The following DENND5A variants were observed in gnomAD, a reference collection of about 807,000 sequenced individuals.
The protein encoded by DENND5A is DENN domain containing 5A, also known as DENN domain-containing protein 5A.
In DENND5A, 64 loss-of-function variants were observed where a neutral mutation model predicts 140.3. The ratio of observed to expected loss-of-function variants is 0.46; its 90% CI spans 0.37 to 0.56. DENND5A has a LOEUF of 0.56. Ranked by LOEUF, DENND5A falls within the 20% of genes least tolerant of loss-of-function variation. DENND5A has a pLI of 0.00. For synonymous variants in DENND5A, 605 were observed against 607.7 expected (o/e 1.00, Z 0.07); for missense variants, 1,292 against 1,593.8 (o/e 0.81, Z 3.22).
chr11:9,219,298 T>A (rs1850219480), intron 1 of DENND5A, among the ~76,000 whole-genome samples: 2 of 151,544 alleles, frequency 1.3e-5, no homozygotes, highest in East Asian at 1.9e-4. Flanking sequence ...AATGAGAAAA[T>A]TCTAGATGTT....
At chr11:9,249,613 A>G (rs1290372093) in intron 1 of DENND5A, among the ~76,000 whole-genome samples, 2 of 152,064 alleles carry the variant, frequency 1.3e-5, no homozygotes, top group African/African-American at 2.4e-5. Context: ...CAATGGCGCA[A>G]TCTCAGCTCA....
chr11:9,240,971 T>G lies in DENND5A; in HGVS notation c.109+23990A>C, dbSNP rs544764696. On this transcript the variant is annotated intron_variant, in intron 1 of 22. Coordinates refer to ENST00000328194, the MANE Select transcript of DENND5A (RefSeq NM_015213.4). ...TAAGCAGTCCAAAATTTGGAAGTTC[T>G]TTCATGTGAATAGTTGTCTTGACAG... Among the ~76,000 whole-genome samples the G allele has an allele frequency of 1.1e-4, 17 of 152,304 alleles. No individual in the cohort carries two copies. The South Asian group carries it at 3.3e-3, about 30-fold the overall frequency.
intron 12 of DENND5A, among the ~76,000 whole-genome samples, chr11:9,159,957 T>G (rs541939165): frequency 6.6e-6 from 1 of 152,190 alleles, no homozygotes; most frequent in Non-Finnish European, 1.5e-5. Context: ...GTGTGGAAGA[T>G]TGTTGCTATA....
intron 1 of DENND5A, among the ~76,000 whole-genome samples, chr11:9,251,229 T>G (rs180959034): frequency 1.1e-4 from 16 of 151,312 alleles, no homozygotes; most frequent in Admixed American, 9.2e-4. Context: ...CTACAGACTT[T>G]TCACTGCTCA....
At chr11:9,244,967 G>A (rs1187303423) in intron 1 of DENND5A, among the ~76,000 whole-genome samples, 5 of 148,958 alleles carry the variant, frequency 3.4e-5, no homozygotes, top group African/African-American at 9.8e-5. Flanking sequence ...GTGAGCCACC[G>A]TGCTTGGCTC....
Position 9,150,743 on chromosome 11 carries a change from C to A in DENND5A, c.2543G>T (p.Arg848Leu), listed in dbSNP as rs767542743. 1.2e-5 allele frequency: 20 copies of A among 1,613,030 alleles called. No individual in the cohort carries two copies. In the South Asian group the frequency reaches 2.0e-4, roughly 16 times the overall value. Residue 848 changes from arginine (R) to leucine (L), a missense_variant, in exon 14 of 23, where the codon CGT becomes CTT. Coordinates refer to ENST00000328194, the MANE Select transcript of DENND5A (RefSeq NM_015213.4). ...STSGILLDSERRKSDASSLMP... is the reference protein window; with the variant it reads ...STSGILLDSELRKSDASSLMP... The stretch of plus-strand genomic sequence containing the variant: ...GAGTGAGCTGGCATCAGACTTCCTA[C>A]GTTCTGAATCAAGAAGTATTCCTAG...
intron 1 of DENND5A, among the ~76,000 whole-genome samples, chr11:9,227,193 TAAATAAATAAATAAATAAGC>T (rs1174151146): frequency 0.023 from 3,289 of 143,330 alleles, 123 homozygotes; most frequent in African/African-American, 0.086. Flanking sequence ...AATAAATAAA[TAAATAAATAAATAAATAAGC>T]AAGCAAGCAC....
At chr11:9,151,316 G>A (rs1243745306) in intron 13 of DENND5A, among the ~76,000 whole-genome samples, 1 of 152,196 alleles carries the variant, frequency 6.6e-6, no homozygotes, top group Non-Finnish European at 1.5e-5. Context: ...CTGGCCTAAT[G>A]TTTAAAACTT....
intron 4 of DENND5A, among the ~76,000 whole-genome samples, chr11:9,198,516 CAGA>C (rs1849409574): frequency 1.3e-5 from 2 of 151,526 alleles, no homozygotes; most frequent in South Asian, 4.2e-4. Flanking sequence ...GAGGCTGAGG[CAGA>C]AGAATTGCTT....
rs1236874402 is a variant in DENND5A at position 9,263,266 on chromosome 11, A to T, written c.109+1695T>A. Among the ~76,000 whole-genome samples the T allele has an allele frequency of 3.3e-5, 5 of 151,004 alleles. No individual in the cohort carries two copies. In the East Asian group the frequency reaches 1.0e-3, roughly 30 times the overall value. Reference sequence around the variant, plus strand: ...CACCCAGACTGGAGTGTAGTGGCGCAATCACCCAGACTGGCGCAATCTCAG... The same window carrying T: ...CACCCAGACTGGAGTGTAGTGGCGCTATCACCCAGACTGGCGCAATCTCAG... On this transcript the variant is annotated intron_variant, in intron 1 of 22. Coordinates refer to ENST00000328194, the MANE Select transcript of DENND5A (RefSeq NM_015213.4).
intron 19 of DENND5A, 45 bp downstream of exon 19, chr11:9,144,052 C>T: frequency 1.3e-6 from 2 of 1,587,548 alleles, no homozygotes; most frequent in Non-Finnish European, 1.7e-6. Context: ...TCCACCCATT[C>T]CCTAGACTGT....
intron 1 of DENND5A, among the ~76,000 whole-genome samples, chr11:9,209,538 G>A (rs1590279006): frequency 6.6e-6 from 1 of 152,176 alleles, no homozygotes; most frequent in South Asian, 2.1e-4. Context: ...TTGTTAAAGA[G>A]TCTGGTTCTA....
chr11:9,171,559 C>G (rs1318097356), intron 8 of DENND5A: 1 of 152,204 alleles, frequency 6.6e-6, no homozygotes, highest in Non-Finnish European at 1.5e-5. Context: ...TTCACAGTGT[C>G]TGGCATCTAA....
intron 1 of DENND5A, among the ~76,000 whole-genome samples, chr11:9,238,018 C>T (rs1851075640): frequency 6.6e-6 from 1 of 152,154 alleles, no homozygotes. Context: ...CTCCACGGGT[C>T]CACCAGAAAG....
chr11:9,249,902 G>A (rs1482088250), intron 1 of DENND5A, among the ~76,000 whole-genome samples: 1 of 151,876 alleles, frequency 6.6e-6, no homozygotes, highest in East Asian at 1.9e-4. Flanking sequence ...GCCCGGGCTA[G>A]CCTCAAACTC....
intron 1 of DENND5A, among the ~76,000 whole-genome samples, chr11:9,209,284 A>G (rs1849792131): frequency 6.6e-6 from 1 of 152,214 alleles, no homozygotes; most frequent in Non-Finnish European, 1.5e-5. Context: ...AAATGGCTGT[A>G]AGGAGCTCCC....
chr11:9,143,771 C>G (rs1414468752), intron 19 of DENND5A, among the ~76,000 whole-genome samples: 2 of 152,228 alleles, frequency 1.3e-5, no homozygotes, highest in Non-Finnish European at 2.9e-5. Context: ...GAGAGCCAAG[C>G]CTTGGCTGTG....
At chr11:9,243,091 A>AAAT (rs1851307645) in intron 1 of DENND5A, among the ~76,000 whole-genome samples, 1 of 143,724 alleles carries the variant, frequency 7.0e-6, no homozygotes, top group African/African-American at 2.8e-5. Flanking sequence ...CTGTCTCAAA[A>AAAT]AAAAAAAAAA....
At chr11:9,211,659 C>G (rs1237854257) in intron 1 of DENND5A, among the ~76,000 whole-genome samples, 2 of 152,116 alleles carry the variant, frequency 1.3e-5, no homozygotes, top group Non-Finnish European at 2.9e-5. Context: ...TCAGGCCAGA[C>G]ATGGTGGCTC....
Sources: gnomAD v4.1 joint callset for allele counts (sites outside exome capture counted in the v4.1 genomes callset) on GRCh38, gnomAD v4.1.1 for gene constraint, MANE v1.5 for transcripts, NCBI Gene and HGNC (gene_info 2026-07-23, HGNC 2026-07-21) for gene names.